The following CPQ variants were observed in gnomAD, a reference collection of about 807,000 sequenced individuals.
CPQ encodes Ser-Met dipeptidase.
A neutral mutation model predicts 45.7 loss-of-function variants in CPQ; 37 were observed. That is an observed-to-expected ratio of 0.81 (90% CI 0.62 to 1.07). CPQ has a LOEUF of 1.07. Among genes scored for constraint, CPQ ranks in the 50% least tolerant of loss-of-function variants. The pLI, the probability that CPQ is intolerant of heterozygous loss-of-function variation, is 0.00. For missense variants in CPQ, 537 were observed against 572.9 expected, an observed-to-expected ratio of 0.94 and a Z score of 0.64; for synonymous variants, 186 against 205.8, an observed-to-expected ratio of 0.90 and a Z score of 0.82.
chr8:97,107,876 C>T (rs1231473914), intron 7 of CPQ, among the ~76,000 whole-genome samples: 1 of 152,152 alleles, frequency 6.6e-6, no homozygotes, highest in Non-Finnish European at 1.5e-5. Context: ...ATAGCCAAAG[C>T]CATTATCTGA....
intron 2 of CPQ, among the ~76,000 whole-genome samples, chr8:96,811,345 C>T (rs1338878360): frequency 1.3e-5 from 2 of 152,116 alleles, no homozygotes; most frequent in South Asian, 4.1e-4. Flanking sequence ...CCTTGACCCA[C>T]TCTTACTGCC....
chr8:96,747,000 ATTTG>A (rs1810194610), intron 1 of CPQ, among the ~76,000 whole-genome samples: 1 of 152,118 alleles, frequency 6.6e-6, no homozygotes, highest in African/African-American at 2.4e-5. Context: ...TGTATTTAAA[ATTTG>A]TTTGGGCCAG....
At chr8:97,123,177 T>TAAAATAAAATAAAATATAAA (rs1395817726) in intron 7 of CPQ, among the ~76,000 whole-genome samples, 1 of 23,730 alleles carries the variant, frequency 4.2e-5, no homozygotes, top group Non-Finnish European at 8.2e-5. Context: ...TAAAATAAAA[T>TAAAATAAAATAAAATATAAA]ATAAAATAAA....
intron 2 of CPQ, among the ~76,000 whole-genome samples, chr8:96,825,379 A>G (rs909681934): frequency 1.3e-5 from 2 of 151,998 alleles, no homozygotes; most frequent in Admixed American, 6.6e-5. Context: ...AGCTAACACC[A>G]TGGGTTTGGA....
rs1810920365 is a variant in CPQ, at chr8:96,795,815, T to C, written c.433+10485T>C. On this transcript the variant is annotated intron_variant, in intron 2 of 7. Coordinates refer to ENST00000220763, the MANE Select transcript of CPQ (RefSeq NM_016134.4). ...AATTTTATGTTTTTAATAAATGACA[T>C]ATAAAGGAGGAATCATTGGTATATT... is the stretch of plus-strand genomic sequence containing the variant. Among the ~76,000 whole-genome samples, 4 of 152,034 alleles carry C rather than the reference T, an allele frequency of 2.6e-5. No individual in the cohort carries two copies. In the South Asian group the frequency reaches 8.3e-4, roughly 31 times the overall value.
At chr8:97,021,354 A>T (rs1329073595) in intron 5 of CPQ, among the ~76,000 whole-genome samples, 2 of 152,130 alleles carry the variant, frequency 1.3e-5, no homozygotes, top group African/African-American at 4.8e-5. Context: ...TTCAACATAG[A>T]ACTGGAAGTC....
intron 5 of CPQ, among the ~76,000 whole-genome samples, chr8:97,021,811 C>T (rs1366318475): frequency 6.6e-6 from 1 of 152,066 alleles, no homozygotes; most frequent in African/African-American, 2.4e-5. Flanking sequence ...AAATTCAGTG[C>T]AATTCCTATC....
chr8:96,926,540 T>TTCTTCCTCTTCTTCTTCC (rs1812877956), intron 4 of CPQ, among the ~76,000 whole-genome samples: 1 of 127,434 alleles, frequency 7.8e-6, no homozygotes, highest in African/African-American at 3.3e-5. Context: ...CTTTTTCTTC[T>TTCTTCCTCTTCTTCTTCC]TCTTCCTCTT....
chr8:96,804,980 G>A (rs1438023787), intron 2 of CPQ, among the ~76,000 whole-genome samples: 1 of 152,092 alleles, frequency 6.6e-6, no homozygotes, highest in Non-Finnish European at 1.5e-5. Flanking sequence ...CCTTCAGACT[G>A]TATTTATGTA....
intron 1 of CPQ, among the ~76,000 whole-genome samples, chr8:96,780,328 A>G (rs1810670384): frequency 6.6e-6 from 1 of 152,098 alleles, no homozygotes; most frequent in Admixed American, 6.5e-5. Flanking sequence ...AAGTGGAGGC[A>G]TTTGCCAGAT....
chr8:96,862,734 A>T (rs1459031958), intron 3 of CPQ, among the ~76,000 whole-genome samples: 1 of 152,124 alleles, frequency 6.6e-6, no homozygotes. Flanking sequence ...AGCTGGAAAC[A>T]TGACTGTCTA....
At chr8:97,114,572 T>G (rs980379120) in intron 7 of CPQ, among the ~76,000 whole-genome samples, 2 of 152,202 alleles carry the variant, frequency 1.3e-5, no homozygotes, top group African/African-American at 4.8e-5. Context: ...AGAGATCTGA[T>G]GTATTTCTTC....
intron 1 of CPQ, among the ~76,000 whole-genome samples, chr8:96,667,626 G>A (rs1002138517): frequency 2.6e-5 from 4 of 152,044 alleles, no homozygotes; most frequent in African/African-American, 9.7e-5. Context: ...TAGGATTACA[G>A]GTGTGAGCCA....
At chr8:97,063,742 T>A (rs1340469237) in intron 6 of CPQ, among the ~76,000 whole-genome samples, 1 of 152,090 alleles carries the variant, frequency 6.6e-6, no homozygotes, top group East Asian at 1.9e-4. Flanking sequence ...CCATTGCTTT[T>A]TTTTTGTCAG....
chr8:96,777,367 A>G (rs538451267), intron 1 of CPQ, among the ~76,000 whole-genome samples: 1 of 152,162 alleles, frequency 6.6e-6, no homozygotes, highest in Non-Finnish European at 1.5e-5. Flanking sequence ...GAGTGCTGCA[A>G]CAGGAGACAC....
intron 4 of CPQ, among the ~76,000 whole-genome samples, chr8:96,905,151 T>C (rs1353473866): frequency 1.3e-5 from 2 of 151,980 alleles, no homozygotes. Context: ...ACATCTTACA[T>C]GGTGACAGGA....
chr8:96,838,190 T>C (rs1263531547), intron 3 of CPQ, among the ~76,000 whole-genome samples: 4 of 152,190 alleles, frequency 2.6e-5, no homozygotes, highest in African/African-American at 9.6e-5. Flanking sequence ...CTTGGAAGTA[T>C]TGATAGTTTT....
intron 5 of CPQ, among the ~76,000 whole-genome samples, chr8:96,982,013 A>G (rs1277846362): frequency 6.6e-6 from 1 of 152,178 alleles, no homozygotes; most frequent in Non-Finnish European, 1.5e-5. Context: ...CATGTCTATT[A>G]GAGTTGCAAA....
chr8:96,961,622 A>G (rs908788487), intron 4 of CPQ, among the ~76,000 whole-genome samples: 1 of 152,202 alleles, frequency 6.6e-6, no homozygotes, highest in African/African-American at 2.4e-5. Flanking sequence ...CTGAAGATAT[A>G]AAGATATTTT....
Sources: gnomAD v4.1 joint callset for allele counts (sites outside exome capture counted in the v4.1 genomes callset) on GRCh38, gnomAD v4.1.1 for gene constraint, MANE v1.5 for transcripts, NCBI Gene and HGNC (gene_info 2026-07-23, HGNC 2026-07-21) for gene names.